The following DIAPH3 variants were observed in gnomAD, a reference collection of about 807,000 sequenced individuals.
DIAPH3 encodes diaphanous related formin 3.
A neutral mutation model predicts 144.3 loss-of-function variants in DIAPH3; 117 were observed. The ratio of observed to expected loss-of-function variants is 0.81; its 90% CI spans 0.70 to 0.95. DIAPH3 has a LOEUF of 0.95. DIAPH3 is among the 40% of genes least tolerant of loss of function. The probability of loss-of-function intolerance (pLI) is 0.00; values close to 1 mark genes in which losing one functional copy is unlikely to be tolerated. For synonymous variants in DIAPH3, 519 were observed against 488.9 expected (o/e 1.06, Z -0.81); for missense variants, 1,421 against 1,412.7 (o/e 1.01, Z -0.09).
At chr13:60,034,127 G>A (rs2055015987) in intron 5 of DIAPH3, among the ~76,000 whole-genome samples, 1 of 152,134 alleles carries the variant, frequency 6.6e-6, no homozygotes, top group Admixed American at 6.5e-5. Flanking sequence ...ATAACTAGAG[G>A]CTTTAGTATC....
chr13:59,809,738 A>G (rs1020394998), intron 25 of DIAPH3, among the ~76,000 whole-genome samples: 1 of 152,198 alleles, frequency 6.6e-6, no homozygotes, highest in African/African-American at 2.4e-5. Context: ...AGTGCAATAC[A>G]TTAAGGTACT....
At chr13:59,987,768 C>A (rs1469620776) in intron 12 of DIAPH3, among the ~76,000 whole-genome samples, 2 of 145,580 alleles carry the variant, frequency 1.4e-5, no homozygotes, top group African/African-American at 2.6e-5. Flanking sequence ...ATCATTAGTA[C>A]AGAGGATTAA....
chr13:60,068,861 G>A (rs559031476), intron 4 of DIAPH3, among the ~76,000 whole-genome samples: 21 of 152,110 alleles, frequency 1.4e-4, no homozygotes, highest in South Asian at 6.2e-4. Context: ...TGGTGTATAC[G>A]TACCACATTT....
chr13:59,974,548 G>A (rs987857548), intron 14 of DIAPH3, 92 bp from the exon 15 acceptor site: 3 of 1,069,500 alleles, frequency 2.8e-6, no homozygotes, highest in Non-Finnish European at 1.4e-6. Context: ...TGATCTGCCG[G>A]TAGAACACAA....
intron 17 of DIAPH3, among the ~76,000 whole-genome samples, chr13:59,952,524 A>T (rs1178726053): frequency 6.6e-6 from 1 of 152,142 alleles, no homozygotes; most frequent in Non-Finnish European, 1.5e-5. Flanking sequence ...CACAGAATTT[A>T]CCTATAATTT....
chr13:60,158,873 TG>T (rs1422925928), intron 1 of DIAPH3, among the ~76,000 whole-genome samples: 8 of 145,024 alleles, frequency 5.5e-5, no homozygotes, highest in Non-Finnish European at 1.0e-4. Flanking sequence ...AGTCATACAT[TG>T]GGTTTAATTG....
intron 27 of DIAPH3, among the ~76,000 whole-genome samples, chr13:59,724,368 C>T (rs1414978781): frequency 6.6e-6 from 1 of 152,098 alleles, no homozygotes; most frequent in East Asian, 1.9e-4. Context: ...GAATTTAAGA[C>T]ACCTGTTTTC....
chr13:59,775,077 C>G (rs1206757502), intron 25 of DIAPH3, among the ~76,000 whole-genome samples: 1 of 152,198 alleles, frequency 6.6e-6, no homozygotes, highest in Non-Finnish European at 1.5e-5. Context: ...CTTCAGAGCA[C>G]TGCTTTTATA....
chr13:59,813,127 C>T (rs905215447), intron 24 of DIAPH3, among the ~76,000 whole-genome samples: 4 of 150,140 alleles, frequency 2.7e-5, no homozygotes, highest in South Asian at 2.1e-4. Context: ...TGTGGGAGTA[C>T]GGGCGCAGAA....
At chr13:59,943,062 G>A (rs2140393602) in intron 17 of DIAPH3, among the ~76,000 whole-genome samples, 1 of 152,276 alleles carries the variant, frequency 6.6e-6, no homozygotes, top group East Asian at 1.9e-4. Flanking sequence ...CTGTGCCGAT[G>A]TAATAATCTC....
intron 27 of DIAPH3, among the ~76,000 whole-genome samples, chr13:59,757,053 T>C (rs1197765844): frequency 6.6e-6 from 1 of 152,130 alleles, no homozygotes; most frequent in Non-Finnish European, 1.5e-5. Context: ...CTTAATTTTA[T>C]CAGTTACAAA....
chr13:59,771,980 A>C (rs2038148645), intron 27 of DIAPH3, among the ~76,000 whole-genome samples: 1 of 152,078 alleles, frequency 6.6e-6, no homozygotes, highest in Non-Finnish European at 1.5e-5. Flanking sequence ...AAATCTTTAA[A>C]AATAAGTTAT....
intron 1 of DIAPH3, among the ~76,000 whole-genome samples, chr13:60,159,748 G>A (rs1271582965): frequency 2.0e-5 from 3 of 152,126 alleles, no homozygotes; most frequent in Non-Finnish European, 4.4e-5. Flanking sequence ...GTGTACCTTG[G>A]TTTCCTCCTA....
At chr13:60,116,430 T>TAAAACAAAAACA (rs149343872) in intron 2 of DIAPH3, among the ~76,000 whole-genome samples, 1 of 152,106 alleles carries the variant, frequency 6.6e-6, no homozygotes, top group South Asian at 2.1e-4. Context: ...GATGTTTGTT[T>TAAAACAAAAACA]AAAACAAAAA....
At chr13:60,115,507 G>A (rs1330567781) in intron 2 of DIAPH3, among the ~76,000 whole-genome samples, 1 of 152,096 alleles carries the variant, frequency 6.6e-6, no homozygotes, top group Non-Finnish European at 1.5e-5. Flanking sequence ...AGCAACCAGA[G>A]GTGACTACAA....
chr13:59,857,297 A>G (rs1391616609), intron 22 of DIAPH3, among the ~76,000 whole-genome samples: 1 of 152,148 alleles, frequency 6.6e-6, no homozygotes, highest in Non-Finnish European at 1.5e-5. Flanking sequence ...TAAAAGATAA[A>G]CATTTGGTAT....
intron 20 of DIAPH3, among the ~76,000 whole-genome samples, chr13:59,897,731 G>A (rs1193189088): frequency 1.3e-5 from 2 of 150,600 alleles, no homozygotes; most frequent in Non-Finnish European, 3.0e-5. Context: ...CTGGGCAACA[G>A]GGTAAGACTC....
At chr13:59,876,244 TATG>T (rs1188751944) in intron 21 of DIAPH3, among the ~76,000 whole-genome samples, 1 of 152,184 alleles carries the variant, frequency 6.6e-6, no homozygotes, top group Non-Finnish European at 1.5e-5. Context: ...TGATAACAAA[TATG>T]ATGAGATATC....
At chr13:59,844,458 C>G (rs575427898) in intron 22 of DIAPH3, among the ~76,000 whole-genome samples, 1 of 149,168 alleles carries the variant, frequency 6.7e-6, no homozygotes, top group African/African-American at 2.5e-5. Context: ...GAGCTGAGAT[C>G]GCGCCACTGC....
Sources: gnomAD v4.1 joint callset for allele counts (sites outside exome capture counted in the v4.1 genomes callset) on GRCh38, gnomAD v4.1.1 for gene constraint, MANE v1.5 for transcripts, NCBI Gene and HGNC (gene_info 2026-07-23, HGNC 2026-07-21) for gene names.